The following GMDS variants were observed in gnomAD, a reference collection of about 807,000 sequenced individuals.
GMDS encodes the protein GDP-mannose 4,6 dehydratase.
GMDS carries 20 observed loss-of-function variants against 49.9 expected under a neutral mutation model. The observed-to-expected ratio is 0.40, with a 90% CI of 0.28 to 0.58. The LOEUF is 0.58. Among genes scored for constraint, GMDS ranks in the 20% least tolerant of loss-of-function variants. GMDS has a pLI of 0.42. For synonymous variants in GMDS, 177 were observed against 178.6 expected (o/e 0.99, Z 0.07); for missense variants, 362 against 481.4 (o/e 0.75, Z 2.32).
chr6:1,663,864 G>T (rs1764161114), intron 9 of GMDS, among the ~76,000 whole-genome samples: 1 of 152,080 alleles, frequency 6.6e-6, no homozygotes, highest in Admixed American at 6.6e-5. Context: ...CTCCTGACAT[G>T]TTATTAACAT....
chr6:1,826,470 T>C (rs930132160), intron 7 of GMDS, among the ~76,000 whole-genome samples: 3 of 152,254 alleles, frequency 2.0e-5, no homozygotes, highest in Non-Finnish European at 4.4e-5. Context: ...TCTAAAATTA[T>C]TTTAAGTGCT....
intron 9 of GMDS, among the ~76,000 whole-genome samples, chr6:1,703,965 C>T (rs777982377): frequency 2.0e-5 from 3 of 152,144 alleles, no homozygotes; most frequent in Non-Finnish European, 4.4e-5. Flanking sequence ...TCCTTGCAAA[C>T]CAGATTATGT....
intron 4 of GMDS, among the ~76,000 whole-genome samples, chr6:1,995,802 C>G (rs1401119808): frequency 2.0e-5 from 3 of 152,222 alleles, no homozygotes; most frequent in Non-Finnish European, 4.4e-5. Context: ...GGAAGAGAAG[C>G]TGAACCTGGT....
chr6:1,950,055 T>A (rs1281131476), intron 6 of GMDS, among the ~76,000 whole-genome samples: 1 of 152,254 alleles, frequency 6.6e-6, no homozygotes, highest in African/African-American at 2.4e-5. Flanking sequence ...ATTCAGTAAT[T>A]TTTTAAAGAT....
chr6:1,845,603 CT>C (rs1757364878), intron 7 of GMDS, among the ~76,000 whole-genome samples: 1 of 152,156 alleles, frequency 6.6e-6, no homozygotes, highest in South Asian at 2.1e-4. Flanking sequence ...GGTCCCCATC[CT>C]TTTTGGCACC....
intron 4 of GMDS, among the ~76,000 whole-genome samples, chr6:1,962,011 G>A (rs765352824): frequency 2.0e-5 from 3 of 152,208 alleles, no homozygotes; most frequent in African/African-American, 7.2e-5. Flanking sequence ...TTCATCCACA[G>A]TCTTTCAAAG....
intron 1 of GMDS, among the ~76,000 whole-genome samples, chr6:2,199,819 C>T (rs1779427584): frequency 6.6e-6 from 1 of 152,124 alleles, no homozygotes; most frequent in Admixed American, 6.5e-5. Context: ...AACCACTTTT[C>T]AGCAGTACCT....
chr6:1,841,799 T>C (rs1246110492), intron 7 of GMDS, among the ~76,000 whole-genome samples: 1 of 152,212 alleles, frequency 6.6e-6, no homozygotes, highest in African/African-American at 2.4e-5. Context: ...GTGGTTCCAG[T>C]GGCTGGAGGA....
intron 7 of GMDS, among the ~76,000 whole-genome samples, chr6:1,858,948 G>C (rs1758060800): frequency 7.1e-6 from 1 of 141,018 alleles, no homozygotes; most frequent in African/African-American, 2.8e-5. Context: ...CCGTATCTCA[G>C]TGCTTTTTTT....
chr6:1,863,904 T>C (rs1248925789), intron 7 of GMDS, among the ~76,000 whole-genome samples: 2 of 152,158 alleles, frequency 1.3e-5, no homozygotes, highest in African/African-American at 4.8e-5. Context: ...AAGTTTAATA[T>C]ATATTTTCTA....
chr6:2,157,750 T>C (rs1581725826), intron 1 of GMDS, among the ~76,000 whole-genome samples: 1 of 152,242 alleles, frequency 6.6e-6, no homozygotes, highest in Admixed American at 6.5e-5. Flanking sequence ...TTAGCCTGTT[T>C]TGTGAAAGAG....
At chr6:2,128,055 A>G (rs904916790) in intron 1 of GMDS, among the ~76,000 whole-genome samples, 2 of 152,160 alleles carry the variant, frequency 1.3e-5, no homozygotes, top group African/African-American at 2.4e-5. Context: ...ATGTCCCAAT[A>G]TGACCCTTTT....
At chr6:2,020,618 T>A (rs7761379) in intron 4 of GMDS, among the ~76,000 whole-genome samples, 1 of 152,028 alleles carries the variant, frequency 6.6e-6, no homozygotes, top group African/African-American at 2.4e-5. Flanking sequence ...AGAGGCATAT[T>A]TTTTTTAAAA....
At chr6:1,651,487 AG>A (rs1174442473) in intron 9 of GMDS, among the ~76,000 whole-genome samples, 2 of 152,226 alleles carry the variant, frequency 1.3e-5, no homozygotes. Flanking sequence ...TGGTGTCACC[AG>A]GGTCCTGGCC....
At chr6:1,763,867 G>C (rs1216777567) in intron 7 of GMDS, among the ~76,000 whole-genome samples, 1 of 152,130 alleles carries the variant, frequency 6.6e-6, no homozygotes, top group East Asian at 1.9e-4. Context: ...AGTGCTCCCT[G>C]TCTCCACACT....
In GMDS at chr6:2,168,576, G is replaced by A. The variant is rs143844623; in HGVS notation, c.103-43845C>T. 3.9e-5 allele frequency among the ~76,000 whole-genome samples: 6 copies of A among 152,232 alleles called. No individual in the cohort carries two copies. In the East Asian group the frequency reaches 1.2e-3, roughly 29 times the overall value. ...ACACTGTAGAAAAGACCCTAACTAT[G>A]CTTCCATTTCATAAACCACAAATTT... On this transcript the variant is annotated intron_variant, in intron 1 of 10. Transcript: ENST00000380815.
intron 7 of GMDS, among the ~76,000 whole-genome samples, chr6:1,892,597 G>T (rs939822342): frequency 1.3e-5 from 2 of 152,124 alleles, no homozygotes; most frequent in African/African-American, 4.8e-5. Flanking sequence ...GACCTCAGGT[G>T]ATCTACTTGC....
chr6:1,787,245 C>G (rs916158193), intron 7 of GMDS, among the ~76,000 whole-genome samples: 7 of 152,062 alleles, frequency 4.6e-5, no homozygotes, highest in African/African-American at 1.7e-4. Context: ...ATGTCAAGAC[C>G]AGTCAGAAAA....
At chr6:1,950,669 C>T (rs369582903) in intron 6 of GMDS, among the ~76,000 whole-genome samples, 1 of 152,120 alleles carries the variant, frequency 6.6e-6, no homozygotes. Flanking sequence ...AAAAATGAGA[C>T]CCTACTGTTG....
Sources: gnomAD v4.1 joint callset for allele counts (sites outside exome capture counted in the v4.1 genomes callset) on GRCh38, gnomAD v4.1.1 for gene constraint, MANE v1.5 for transcripts, NCBI Gene and HGNC (gene_info 2026-07-23, HGNC 2026-07-21) for gene names.